Variants in DNAAF9 observed in about 807,000 individuals in gnomAD.
DNAAF9 encodes the protein dynein axonemal assembly factor 9, also known as shulin.
DNAAF9 carries 90 observed loss-of-function variants against 167.0 expected under a neutral mutation model. That is an observed-to-expected ratio of 0.54 (90% CI 0.45 to 0.64). The LOEUF (loss-of-function observed/expected upper bound fraction) is 0.64, where lower values mean the gene tolerates loss of function less well. Ranked by LOEUF, DNAAF9 falls within the 30% of genes least tolerant of loss-of-function variation. DNAAF9 has a pLI of 0.00. For missense variants in DNAAF9, 1,315 were observed against 1,442.2 expected (o/e 0.91, Z 1.43); for synonymous variants, 491 against 508.8 (o/e 0.96, Z 0.47).
chr20:3,348,670 G>T (rs762608776), intron 7 of DNAAF9, 47 bp from the exon 8 acceptor site: 1 of 1,163,738 alleles, frequency 8.6e-7, no homozygotes, highest in Non-Finnish European at 1.2e-6. Flanking sequence ...TATAAAGGAG[G>T]TATTTTAGAA....
chr20:3,386,913 A>G (rs2083748516), intron 1 of DNAAF9, among the ~76,000 whole-genome samples: 1 of 152,254 alleles, frequency 6.6e-6, no homozygotes, highest in African/African-American at 2.4e-5. Context: ...ATGAGATATT[A>G]CTATACCTCT....
At chr20:3,264,811 G>A (rs2068457764) in intron 30 of DNAAF9, among the ~76,000 whole-genome samples, 3 of 152,034 alleles carry the variant, frequency 2.0e-5, no homozygotes, top group Admixed American at 6.6e-5. Context: ...CTCATGATCC[G>A]CCTGCCTCGG....
In DNAAF9 at chr20:3,330,056, A is replaced by G. The variant is rs191964632; in HGVS notation, c.1100+590T>C. 5.3e-5 allele frequency among the ~76,000 whole-genome samples: 8 copies of G among 152,350 alleles called. No individual in the cohort carries two copies. The East Asian group carries it at 1.5e-3, about 29-fold the overall frequency. Reference sequence around the variant, plus strand: ...TTATTCTTAGAAAAGCCCTTAATTTAAAAATGCATTATATAGAAAACATAT... The same window carrying G: ...TTATTCTTAGAAAAGCCCTTAATTTGAAAATGCATTATATAGAAAACATAT... On this transcript the variant is annotated intron_variant, in intron 12 of 36. Coordinates refer to ENST00000252032, the MANE Select transcript of DNAAF9 (RefSeq NM_001009984.3).
Position 3,322,840 on chromosome 20 carries a change from T to A in DNAAF9, c.1266-144A>T, listed in dbSNP as rs531547333. On this transcript the variant is annotated intron_variant, in intron 14 of 36. Coordinates refer to ENST00000252032, the MANE Select transcript of DNAAF9 (RefSeq NM_001009984.3). ...TTACACAGATTTACCCTATTTTGGATACTTTCCCCAGGGTCCCACACCACC... is the reference window on the plus strand; with the variant it reads ...TTACACAGATTTACCCTATTTTGGAAACTTTCCCCAGGGTCCCACACCACC... The A allele has an allele frequency of 4.0e-5, 29 of 730,172 alleles. No individual in the cohort carries two copies. In the South Asian group the frequency reaches 4.1e-4, roughly 10 times the overall value. 45.2% of individuals were successfully genotyped at this position (730,172 alleles called of 1,614,324 possible).
At chr20:3,333,080 A>C (rs1348196994) in intron 10 of DNAAF9, among the ~76,000 whole-genome samples, 1 of 152,218 alleles carries the variant, frequency 6.6e-6, no homozygotes, top group African/African-American at 2.4e-5. Context: ...GAGCTTTCAC[A>C]GTGAAGCCCC....
chr20:3,253,924 C>A, intron 35 of DNAAF9, 105 bp from the exon 36 acceptor site: 1 of 704,546 alleles, frequency 1.4e-6, no homozygotes, highest in Admixed American at 2.3e-5. Flanking sequence ...GACTACTCTG[C>A]TATACAGAGG....
At chr20:3,290,490 A>C (rs1422637165) in intron 25 of DNAAF9, among the ~76,000 whole-genome samples, 1 of 152,238 alleles carries the variant, frequency 6.6e-6, no homozygotes, top group East Asian at 1.9e-4. Context: ...TTTTTACTAG[A>C]GTAGTAACAC....
rs980162466 is a variant in DNAAF9 at position 3,315,906 on chromosome 20, T to C, written c.1540-121A>G. 5.0e-6 allele frequency: 4 copies of C among 806,316 alleles called. No homozygotes were observed. The highest frequency in any genetic ancestry group is 1.7e-5 in the African/African-American group (1 of 59,314). The allele number at this position is 806,316 out of a possible 1,614,324, so 49.9% of individuals were successfully genotyped here. ...CTGGACAGTCCTTCCACCATGTCCA[T>C]GTCCAGTGCTCTCAGGCCCTGACAC... On this transcript the variant is annotated intron_variant, in intron 18 of 36. Coordinates refer to ENST00000252032, the MANE Select transcript of DNAAF9 (RefSeq NM_001009984.3). The surrounding 1 kb of genome is among the most constrained non-coding windows in gnomAD (Gnocchi z 4.1).
intron 1 of DNAAF9, among the ~76,000 whole-genome samples, chr20:3,402,945 T>C (rs1244808162): frequency 1.3e-5 from 2 of 152,218 alleles, no homozygotes; most frequent in African/African-American, 4.8e-5. Flanking sequence ...CTTTTCAATC[T>C]GGAAACGTAT....
chr20:3,340,433 T>TCCGGGGGGGGGGGGGCCCCCCCCCCC, intron 10 of DNAAF9, 71 bp downstream of exon 10: 2 of 221,212 alleles, frequency 9.0e-6, no homozygotes, highest in Non-Finnish European at 1.9e-5. Flanking sequence ...TTTGTCTAGC[T>TCCGGGGGGGGGGGGGCCCCCCCCCCC]CCCCCCACCC....
At position 3,273,456 on chromosome 20, in the gene DNAAF9, G is replaced by A. The variant is rs60995268; in HGVS notation, c.2651-2894C>T. Among the ~76,000 whole-genome samples the A allele has an allele frequency of 2.9e-3, 446 of 152,224 alleles. 2 individuals carry two copies. The highest frequency in any genetic ancestry group is 8.4e-3 in the African/African-American group (349 of 41,528). ...CTGCAGGCTTTCCAGGAAGCGTGGC[G>A]CTGGCATCGGCTTCTGGGGAGGCCT... On this transcript the variant is annotated intron_variant, in intron 29 of 36. Coordinates refer to ENST00000252032, the MANE Select transcript of DNAAF9 (RefSeq NM_001009984.3).
chr20:3,375,365 A>G (rs79895437), intron 4 of DNAAF9, among the ~76,000 whole-genome samples: 2 of 152,196 alleles, frequency 1.3e-5, no homozygotes, highest in African/African-American at 4.8e-5. Flanking sequence ...AATGCAAGAG[A>G]TAACACTTTT....
intron 36 of DNAAF9, 113 bp from the exon 37 acceptor site, chr20:3,252,797 G>A (rs938483741): frequency 9.9e-6 from 7 of 709,666 alleles, no homozygotes; most frequent in Middle Eastern, 5.2e-4. Context: ...TGAGTGTCTG[G>A]CCCATAGAGA....
chr20:3,263,582 G>T (rs749033452), intron 31 of DNAAF9, among the ~76,000 whole-genome samples: 1 of 152,140 alleles, frequency 6.6e-6, no homozygotes, highest in Non-Finnish European at 1.5e-5. Context: ...ACTCTTTGCT[G>T]CCCCTGGTAC....
At chr20:3,314,369 CA>C (rs1600765019) in intron 20 of DNAAF9, among the ~76,000 whole-genome samples, 1 of 152,062 alleles carries the variant, frequency 6.6e-6, no homozygotes. Flanking sequence ...TAGAGAGACT[CA>C]AAGTGTGTGA....
Position 3,407,629 on chromosome 20 carries a change from A to C in DNAAF9, c.-72T>G. On this transcript the variant is annotated 5_prime_UTR_variant, in exon 1 of 37. Transcript: ENST00000252032. ...TCTCAGTTGCCCGCAGGGCGGCTCC[A>C]CGCTAGCTGCGGCCGGGCGGGGCGG... The C allele has an allele frequency of 8.6e-7, 1 of 1,169,266 alleles. No individual in the cohort carries two copies. The highest frequency in any genetic ancestry group is 1.1e-6 in the Non-Finnish European group (1 of 948,334). The allele number at this position is 1,169,266 out of a possible 1,614,324, so 72.4% of individuals were successfully genotyped here.
intron 1 of DNAAF9, among the ~76,000 whole-genome samples, chr20:3,399,888 T>C (rs757063373): frequency 8.5e-5 from 13 of 152,320 alleles, no homozygotes; most frequent in Non-Finnish European, 1.3e-4. Context: ...TCTCGCCAGC[T>C]GCCAAACTTA....
At chr20:3,294,935 G>C (rs1162589939) in intron 23 of DNAAF9, among the ~76,000 whole-genome samples, 4 of 151,588 alleles carry the variant, frequency 2.6e-5, no homozygotes, top group Admixed American at 2.6e-4. Flanking sequence ...GTGCGATCTC[G>C]GCTCACTGCA....
intron 20 of DNAAF9, among the ~76,000 whole-genome samples, chr20:3,308,013 G>A: frequency 7.0e-6 from 1 of 143,062 alleles, no homozygotes; most frequent in Admixed American, 7.0e-5. Flanking sequence ...ACAAAACCCA[G>A]ATGTCTATGA....
Sources: allele counts gnomAD v4.1 joint callset (sites outside exome capture counted in the v4.1 genomes callset), GRCh38; gene constraint gnomAD v4.1.1; non-coding constraint Gnocchi (gnomAD v3.1); transcripts MANE v1.5; gene names NCBI Gene and HGNC (gene_info 2026-07-23, HGNC 2026-07-21).